The following ATP2A3 variants were observed in gnomAD, a reference collection of about 807,000 sequenced individuals.
The protein encoded by ATP2A3 is ATPase sarcoplasmic/endoplasmic reticulum Ca2+ transporting 3.
A neutral mutation model predicts 106.8 loss-of-function variants in ATP2A3; 61 were observed. The ratio of observed to expected loss-of-function variants is 0.57; its 90% confidence interval spans 0.46 to 0.71. The LOEUF (loss-of-function observed/expected upper bound fraction) is 0.71. ATP2A3 is among the 30% of genes least tolerant of loss of function. The pLI is 0.00. For synonymous variants in ATP2A3, 611 were observed against 609.3 expected (o/e 1.00, Z -0.04); for missense variants, 1,201 against 1,423.5 (o/e 0.84, Z 2.52).
Position 3,953,619 on chromosome 17 carries a change from A to T in ATP2A3, c.136+74T>A. Reference sequence around the variant, plus strand: ...AAGGCCTCACTCAGCGGGGAGAAGGAAGTCATGACCAGACAGAGAACGACC... The same window carrying T: ...AAGGCCTCACTCAGCGGGGAGAAGGTAGTCATGACCAGACAGAGAACGACC... On this transcript the variant is annotated intron_variant, in intron 2 of 20. Transcript: ENST00000397041. The surrounding 1 kb of genome is among the most constrained non-coding windows in gnomAD (Gnocchi z 5.1). The T allele has an allele frequency of 6.5e-7, 1 of 1,547,154 alleles. No individual in the cohort carries two copies. Among genetic ancestry groups the T allele is most frequent in the African/African-American group, 1.4e-5 (1 of 73,106 alleles).
Position 3,955,306 on chromosome 17 carries a change from T to G in ATP2A3, c.119-1596A>C, listed in dbSNP as rs2054710611. Among the ~76,000 whole-genome samples the G allele has an allele frequency of 6.6e-6, 1 of 152,132 alleles. No homozygotes were observed. Among genetic ancestry groups the G allele is most frequent in the African/African-American group, 2.4e-5 (1 of 41,408 alleles). On this transcript the variant is annotated intron_variant, in intron 1 of 20. Transcript: ENST00000397041. This position sits in a 1 kb window ranked among gnomAD's most constrained non-coding sequence, Gnocchi z 4.2. ...ACGGGAGCCCTCTCCCCGGACCACC[T>G]GTTTGGAAGCTTTGGGGTCTGCACC...
chr17:3,928,861 C>T lies in ATP2A3; in HGVS notation c.2863-81G>A. 8.7e-7 allele frequency: 1 copy of T among 1,150,712 alleles called. No individual in the cohort carries two copies. The highest frequency in any genetic ancestry group is 1.3e-6 in the Non-Finnish European group (1 of 793,686). The allele number at this position is 1,150,712 out of a possible 1,614,324, so 71.3% of individuals were successfully genotyped here. Reference sequence around the variant, plus strand: ...CCAGCCATCTGCTGGCCTTATCCACCTGGGCTCTGATGGACTCTTCATGAG... The same window carrying T: ...CCAGCCATCTGCTGGCCTTATCCACTTGGGCTCTGATGGACTCTTCATGAG... On this transcript the variant is annotated intron_variant, in intron 19 of 20. Transcript: ENST00000397041. The surrounding 1 kb of genome is among the most constrained non-coding windows in gnomAD (Gnocchi z 6.1).
intron 7 of ATP2A3, among the ~76,000 whole-genome samples, chr17:3,948,275 C>A (rs1337554601): frequency 6.6e-6 from 1 of 152,214 alleles, no homozygotes; most frequent in Non-Finnish European, 1.5e-5. Context: ...ATCCAGAAAA[C>A]CTGAGCCTCA....
chr17:3,932,396 G>A (rs562430900), intron 17 of ATP2A3, among the ~76,000 whole-genome samples: 13 of 152,068 alleles, frequency 8.5e-5, no homozygotes, highest in Middle Eastern at 6.8e-3. Context: ...CACCCGCCTC[G>A]GCCTCCCAAA....
intron 16 of ATP2A3, 143 bp from the exon 17 acceptor site, chr17:3,935,420 C>T (rs148712067): frequency 1.1e-4 from 84 of 750,532 alleles, no homozygotes; most frequent in African/African-American, 9.1e-4. Flanking sequence ...CACCTCCCCT[C>T]GATGCCAGTG....
chr17:3,945,292 A>C, intron 8 of ATP2A3, 144 bp from the exon 9 acceptor site: 1 of 671,054 alleles, frequency 1.5e-6, no homozygotes. Flanking sequence ...ACCAGGAGGG[A>C]AATAGAACGC....
chr17:3,953,654 T>C lies in ATP2A3; in HGVS notation c.136+39A>G. Reference sequence around the variant, plus strand: ...CAGACAGAGAACGACCCAGGGATGCTGCCCGCGGCCTAGAGGTCCATCCCG... The same window carrying C: ...CAGACAGAGAACGACCCAGGGATGCCGCCCGCGGCCTAGAGGTCCATCCCG... On this transcript the variant is annotated intron_variant, in intron 2 of 20. Transcript: ENST00000397041. This position sits in a 1 kb window ranked among gnomAD's most constrained non-coding sequence, Gnocchi z 5.1. 6.4e-7 allele frequency: 1 copy of C among 1,558,380 alleles called. No homozygotes were observed. Among genetic ancestry groups the C allele is most frequent in the South Asian group, 1.2e-5 (1 of 84,642 alleles).
chr17:3,943,309 T>C, intron 11 of ATP2A3, 82 bp downstream of exon 11: 1 of 1,546,940 alleles, frequency 6.5e-7, no homozygotes. Context: ...AAACAAAAAC[T>C]TCAGTGTCCT....
chr17:3,953,636 A>G lies in ATP2A3; in HGVS notation c.136+57T>C. 6.4e-7 allele frequency: 1 copy of G among 1,554,962 alleles called. No homozygotes were observed. ...GGAGAAGGAAGTCATGACCAGACAG[A>G]GAACGACCCAGGGATGCTGCCCGCG... On this transcript the variant is annotated intron_variant, in intron 2 of 20. Coordinates refer to ENST00000397041, the MANE Select transcript of ATP2A3 (RefSeq NM_005173.4). This position sits in a 1 kb window ranked among gnomAD's most constrained non-coding sequence, Gnocchi z 5.1.
At chr17:3,942,523 G>A in intron 12 of ATP2A3, 83 bp downstream of exon 12, 1 of 1,558,930 alleles carries the variant, frequency 6.4e-7, no homozygotes, top group Non-Finnish European at 8.7e-7. Flanking sequence ...ATTCACACGG[G>A]AGGACTGGGG....
rs1013314853 is a variant in ATP2A3 at position 3,953,529 on chromosome 17, G to T, written c.137-100C>A. On this transcript the variant is annotated intron_variant, in intron 2 of 20. Transcript: ENST00000397041. This position sits in a 1 kb window ranked among gnomAD's most constrained non-coding sequence, Gnocchi z 5.1. ...AGACCTCCCGGCCCATTCCCTCCCT[G>T]CACTCAGAAGAGGGAGAACCCAGGT... The T allele has an allele frequency of 2.7e-6, 4 of 1,496,064 alleles. No individual in the cohort carries two copies. Among genetic ancestry groups the T allele is most frequent in the Non-Finnish European group, 3.7e-6 (4 of 1,081,844 alleles). The allele number at this position is 1,496,064 out of a possible 1,614,324, so 92.7% of individuals were successfully genotyped here.
chr17:3,956,035 C>T (rs1200628245), intron 1 of ATP2A3, among the ~76,000 whole-genome samples: 1 of 152,162 alleles, frequency 6.6e-6, no homozygotes, highest in African/African-American at 2.4e-5. Context: ...GTGCCTGCCA[C>T]CACGCCCAGC....
At position 3,945,050 on chromosome 17, in the gene ATP2A3, C is replaced by G. The variant is rs1222517813; in HGVS notation, c.1184+10G>C. On this transcript the variant is annotated intron_variant, in intron 9 of 20. Coordinates refer to ENST00000397041, the MANE Select transcript of ATP2A3 (RefSeq NM_005173.4). Reference sequence around the variant, plus strand: ...CCGCCCGCCCGCGCGTCCCCTGGCCCCGCACTCACACTTCGCCCTCGGGGG... The same window carrying G: ...CCGCCCGCCCGCGCGTCCCCTGGCCGCGCACTCACACTTCGCCCTCGGGGG... The G allele has an allele frequency of 6.5e-7, 1 of 1,535,824 alleles. No homozygotes were observed. The highest frequency in any genetic ancestry group is 8.8e-7 in the Non-Finnish European group (1 of 1,139,578).
intron 4 of ATP2A3, 29 bp downstream of exon 4, chr17:3,951,552 C>CT (rs761930488): frequency 2.9e-6 from 4 of 1,365,884 alleles, no homozygotes; most frequent in South Asian, 2.5e-5. Flanking sequence ...GACCGCCCCC[C>CT]GCCCGGTCCC....
intron 20 of ATP2A3, chr17:3,927,541 G>C (rs2052775619): frequency 1.0e-6 from 1 of 985,320 alleles, no homozygotes; most frequent in Non-Finnish European, 1.2e-6. Flanking sequence ...CGGTGCTCCG[G>C]CCAGTGCAGG....
intron 5 of ATP2A3, among the ~76,000 whole-genome samples, chr17:3,950,998 G>A (rs1031973385): frequency 6.6e-6 from 1 of 151,908 alleles, no homozygotes; most frequent in African/African-American, 2.4e-5. Flanking sequence ...ATATACGGCC[G>A]GAATGACGGA....
intron 14 of ATP2A3, among the ~76,000 whole-genome samples, chr17:3,938,388 T>C (rs1401295268): frequency 6.7e-6 from 1 of 149,564 alleles, no homozygotes; most frequent in Non-Finnish European, 1.5e-5. Flanking sequence ...GAGCCGAGAC[T>C]GCACTGCTGC....
intron 10 of ATP2A3, among the ~76,000 whole-genome samples, chr17:3,943,963 G>A (rs2053936036): frequency 6.6e-6 from 1 of 152,184 alleles, no homozygotes; most frequent in South Asian, 2.1e-4. Flanking sequence ...GCCCCAGACA[G>A]CACAAGAACC....
At chr17:3,943,813 C>T (rs1457956729) in intron 10 of ATP2A3, among the ~76,000 whole-genome samples, 4 of 152,128 alleles carry the variant, frequency 2.6e-5, no homozygotes, top group Non-Finnish European at 4.4e-5. Flanking sequence ...TGTCTGGGCC[C>T]GCTTCCACCC....
Sources: allele counts gnomAD v4.1 joint callset (sites outside exome capture counted in the v4.1 genomes callset), GRCh38; gene constraint gnomAD v4.1.1; non-coding constraint Gnocchi (gnomAD v3.1); transcripts MANE v1.5; gene names NCBI Gene and HGNC (gene_info 2026-07-23, HGNC 2026-07-21).